Variants in PCDH10 observed in about 807,000 individuals in gnomAD.
PCDH10 encodes protocadherin-10.
A neutral mutation model predicts 74.4 loss-of-function variants in PCDH10; 15 were observed. That is an observed-to-expected ratio of 0.20 (90% CI 0.13 to 0.31). The LOEUF (loss-of-function observed/expected upper bound fraction) is 0.31. PCDH10 is among the 10% of genes least tolerant of loss of function. The pLI is 1.00. For synonymous variants in PCDH10, 619 were observed against 589.8 expected (o/e 1.05, Z -0.72); for missense variants, 1,260 against 1,390.2 (o/e 0.91, Z 1.49).
rs1208719529 is a variant in PCDH10, at chr4:133,151,147, A to C, written c.1007A>C (p.Asn336Thr). The change falls in exon 1 of 5, where the codon AAC (asparagine) becomes ACC (threonine). Residue 336 changes from asparagine to threonine, a missense_variant. By Grantham distance (65) the Asn-to-Thr change is moderately conservative. Coordinates refer to ENST00000264360, the MANE Select transcript of PCDH10 (RefSeq NM_032961.3). ...VYVQAKDLGP[N>T]AVPAHCKVLV... ...GTGCAAGCCAAGGACCTGGGCCCCAACGCCGTGCCTGCGCACTGCAAGGTG... is the reference window on the plus strand; with the variant it reads ...GTGCAAGCCAAGGACCTGGGCCCCACCGCCGTGCCTGCGCACTGCAAGGTG... 1 of 1,614,142 alleles carries C rather than the reference A, an allele frequency of 6.2e-7. No homozygotes were observed. The highest frequency in any genetic ancestry group is 8.5e-7 in the Non-Finnish European group (1 of 1,180,006).
chr4:133,154,829 C>T, intron 2 of PCDH10, 88 bp from the exon 3 acceptor site: 2 of 906,368 alleles, frequency 2.2e-6, no homozygotes, highest in South Asian at 2.8e-5. Flanking sequence ...GAGTCTGCAG[C>T]ACCATCTGTG....
At chr4:133,178,174 A>G (rs896827970) in intron 4 of PCDH10, among the ~76,000 whole-genome samples, 1 of 152,134 alleles carries the variant, frequency 6.6e-6, no homozygotes, top group Non-Finnish European at 1.5e-5. Flanking sequence ...CAATAGTAAT[A>G]GTAGCTAACA....
rs1028940592 is a variant in PCDH10, at chr4:133,154,744, G to T, written c.2691-173G>T. 1.0e-5 allele frequency: 6 copies of T among 578,160 alleles called. No individual in the cohort carries two copies. The Admixed American group carries it at 1.9e-4, about 18-fold the overall frequency. The allele number at this position is 578,160 out of a possible 1,614,324, so 35.8% of individuals were successfully genotyped here. On this transcript the variant is annotated intron_variant, in intron 2 of 4. Coordinates refer to ENST00000264360, the MANE Select transcript of PCDH10 (RefSeq NM_032961.3). ...TAAGTGCTCAAAATGACTGTTAATCGATCATTTTTAAATAGTTAAGCTTAG... is the reference window on the plus strand; with the variant it reads ...TAAGTGCTCAAAATGACTGTTAATCTATCATTTTTAAATAGTTAAGCTTAG...
intron 2 of PCDH10, among the ~76,000 whole-genome samples, chr4:133,206,735 G>T (rs1474680589): frequency 2.0e-5 from 3 of 152,060 alleles, no homozygotes; most frequent in Non-Finnish European, 4.4e-5. Context: ...AGAAAGGTTA[G>T]TGCATTAATT....
rs752635447 is a variant in PCDH10 at position 133,152,438 on chromosome 4, A to C, written c.2298A>C (p.Gly766=). The change falls in exon 1 of 5, where the codon GGA becomes GGC. Residue 766 remains glycine, a synonymous_variant. Transcript: ENST00000264360. The part of the protein sequence containing the change: ...CCLCCCCCGG[G]GSTCCGRQAR... The stretch of plus-strand genomic sequence containing the variant: ...TCTGCTGCTGCTGCTGCGGTGGCGG[A>C]GGTTCGACCTGCTGTGGCCGCCAAG... The C allele has an allele frequency of 6.2e-7, 1 of 1,614,090 alleles. No individual in the cohort carries two copies. The highest frequency in any genetic ancestry group is 1.1e-5 in the South Asian group (1 of 91,074).
Position 133,151,490 on chromosome 4 carries a change from G to C in PCDH10, c.1350G>C (p.Gln450His), listed in dbSNP as rs1201589695. 6.2e-7 allele frequency: 1 copy of C among 1,613,886 alleles called. No homozygotes were observed. The highest frequency in any genetic ancestry group is 8.5e-7 in the Non-Finnish European group (1 of 1,179,992). ...CGCTCTCCACCAGTAAGTCGATCCAGGTACAAGTGTCGGATGTGAACGACA... is the reference window on the plus strand; with the variant it reads ...CGCTCTCCACCAGTAAGTCGATCCACGTACAAGTGTCGGATGTGAACGACA... ...EPALSTSKSI[Q>H]VQVSDVNDNA... The change falls in exon 1 of 5, where the codon CAG becomes CAC. Residue 450 changes from glutamine to histidine, a missense_variant. By Grantham distance (24) the Gln-to-His change is conservative. Transcript: ENST00000264360.
At chr4:133,156,658 G>A (rs1726869892) in intron 3 of PCDH10, among the ~76,000 whole-genome samples, 2 of 152,164 alleles carry the variant, frequency 1.3e-5, no homozygotes, top group Non-Finnish European at 2.9e-5. Context: ...ATGTTTTAAA[G>A]AGTATCTGTT....
intron 2 of PCDH10, 117 bp from the exon 3 acceptor site, chr4:133,154,800 A>C: frequency 1.4e-6 from 1 of 691,054 alleles, no homozygotes; most frequent in South Asian, 1.8e-5. Context: ...GCAGAAACAA[A>C]GCCAACTAAG....
In PCDH10 at chr4:133,152,381, C is replaced by T. The variant is rs779306908; in HGVS notation, c.2241C>T (p.Asn747=). 30 of 1,614,218 alleles carry T rather than the reference C, an allele frequency of 1.9e-5. No homozygotes were observed. In the South Asian group the frequency reaches 3.0e-4, roughly 16 times the overall value. ...AVRCQKEKKL[N]IYTCLASDCC... Reference sequence around the variant, plus strand: ...GTTGCCAAAAAGAGAAGAAGCTCAACATCTATACTTGTCTGGCCAGCGATT... The same window carrying T: ...GTTGCCAAAAAGAGAAGAAGCTCAATATCTATACTTGTCTGGCCAGCGATT... The change falls in exon 1 of 5, where the codon AAC becomes AAT. Residue 747 remains asparagine, a synonymous_variant. Transcript: ENST00000264360.
chr4:133,202,777 G>A (rs1373200540), intron 2 of PCDH10, among the ~76,000 whole-genome samples: 11 of 152,152 alleles, frequency 7.2e-5, no homozygotes, highest in Admixed American at 1.3e-4. Context: ...TGGATGAAAA[G>A]CAGTAAAGGT....
chr4:133,169,958 A>G (rs1727169920), intron 4 of PCDH10, among the ~76,000 whole-genome samples: 1 of 152,048 alleles, frequency 6.6e-6, no homozygotes, highest in African/African-American at 2.4e-5. Context: ...ATTAAGATTA[A>G]ACTCAGCATA....
intron 4 of PCDH10, chr4:133,164,044 T>C (rs748292750): frequency 3.4e-4 from 154 of 455,836 alleles, no homozygotes; most frequent in Middle Eastern, 6.5e-4. Flanking sequence ...GATGCATACA[T>C]TGTAGTGACA....
At chr4:133,169,944 C>T (rs1215023966) in intron 4 of PCDH10, among the ~76,000 whole-genome samples, 1 of 151,918 alleles carries the variant, frequency 6.6e-6, no homozygotes, top group Admixed American at 6.6e-5. Flanking sequence ...AATAATATTA[C>T]TGAATTAAGA....
At chr4:133,174,577 A>T (rs1180103972) in intron 4 of PCDH10, among the ~76,000 whole-genome samples, 3 of 151,662 alleles carry the variant, frequency 2.0e-5, no homozygotes, top group Non-Finnish European at 1.5e-5. Flanking sequence ...AATCACAGTT[A>T]TGTCCTGTGA....
At chr4:133,160,663 A>C (rs1472177972) in intron 3 of PCDH10, among the ~76,000 whole-genome samples, 3 of 150,702 alleles carry the variant, frequency 2.0e-5, no homozygotes, top group Non-Finnish European at 3.0e-5. Flanking sequence ...TGGAATCGTC[A>C]TATTCACAAT....
rs1490628013 is a variant in PCDH10, at chr4:133,154,294, AT to A, written c.2632-6del. 1.9e-6 allele frequency: 3 copies of A among 1,592,094 alleles called. No homozygotes were observed. The highest frequency in any genetic ancestry group is 3.4e-5 in the Admixed American group (2 of 58,058). On this transcript the variant is annotated splice_polypyrimidine_tract_variant and intron_variant, in intron 1 of 4. Transcript: ENST00000264360. ...GCATTCAAATGCTCTTGATTTATTT[AT>A]TTTTTTCCTAGACTAAACACCAGCG...
At position 133,192,682 on chromosome 4, in the gene PCDH10, A is replaced by G. The variant is rs1727705404; in HGVS notation, c.*2522A>G. On this transcript the variant is annotated 3_prime_UTR_variant, in exon 5 of 5. Transcript: ENST00000264360. ...AACTTCTTCCTAATTTGCGGGACAA[A>G]TAGAATTGTTTAAGGATAAAATGCT... is the stretch of plus-strand genomic sequence containing the variant. 6.6e-6 allele frequency: 1 copy of G among 151,570 alleles called. No individual in the cohort carries two copies. Among genetic ancestry groups the G allele is most frequent in the African/African-American group, 2.4e-5 (1 of 41,388 alleles). 9.4% of individuals were successfully genotyped at this position (151,570 alleles called of 1,614,324 possible).
chr4:133,158,359 T>C lies in PCDH10; in HGVS notation c.2797+3336T>C, dbSNP rs998136154. The stretch of plus-strand genomic sequence containing the variant: ...CCTACATTGTCAATAATGCTAAGCT[T>C]AATTATAGATTTATTTTTAATACCT... On this transcript the variant is annotated intron_variant, in intron 3 of 4. Transcript: ENST00000264360. Among the ~76,000 whole-genome samples, 22 of 152,226 alleles carry C rather than the reference T, an allele frequency of 1.4e-4. No homozygotes were observed. The East Asian group carries it at 3.1e-3, about 21-fold the overall frequency.
In PCDH10 at chr4:133,150,938, C is replaced by T; in HGVS notation, c.798C>T (p.Gly266=). ...TVSLPENSPP[G]TLVIQLNATD... ...CCCTACCAGAGAACTCTCCCCCAGG[C>T]ACTCTCGTGATCCAGCTCAACGCCA... The change falls in exon 1 of 5, where the codon GGC becomes GGT. Residue 266 remains glycine (G), a synonymous_variant. Transcript: ENST00000264360. 1 of 1,613,960 alleles carries T rather than the reference C, an allele frequency of 6.2e-7. No individual in the cohort carries two copies. Among genetic ancestry groups the T allele is most frequent in the African/African-American group, 1.3e-5 (1 of 75,074 alleles).
Sources: gnomAD v4.1 joint callset for allele counts (sites outside exome capture counted in the v4.1 genomes callset) on GRCh38, gnomAD v4.1.1 for gene constraint, MANE v1.5 for transcripts, NCBI Gene and HGNC (gene_info 2026-07-23, HGNC 2026-07-21) for gene names.